Variants in LRMDA observed in about 807,000 individuals in gnomAD.
LRMDA encodes leucine rich melanocyte differentiation associated.
A neutral mutation model predicts 29.8 loss-of-function variants in LRMDA; 18 were observed. The ratio of observed to expected loss-of-function variants is 0.60; its 90% CI spans 0.42 to 0.90. The LOEUF is 0.90. LRMDA is among the 40% of genes least tolerant of loss of function. LRMDA has a pLI of 0.00. For missense variants in LRMDA, 273 were observed against 273.9 expected (o/e 1.00, Z 0.02); for synonymous variants, 125 against 109.4 (o/e 1.14, Z -0.89).
At chr10:76,139,687 G>A (rs189658508) in intron 5 of LRMDA, among the ~76,000 whole-genome samples, 83 of 152,260 alleles carry the variant, frequency 5.5e-4, no homozygotes, top group African/African-American at 1.9e-3. Flanking sequence ...TGACTCTTCA[G>A]TTTCTTTTGA....
intron 2 of LRMDA, among the ~76,000 whole-genome samples, chr10:75,846,571 T>C (rs1458178089): frequency 6.6e-6 from 1 of 152,202 alleles, no homozygotes. Context: ...GCCGTTTAGA[T>C]TAGTTGGAGA....
chr10:76,305,705 A>C (rs1000970608), intron 5 of LRMDA, among the ~76,000 whole-genome samples: 13 of 152,240 alleles, frequency 8.5e-5, no homozygotes, highest in African/African-American at 2.7e-4. Flanking sequence ...ATACTTGATT[A>C]GTCATTTTTC....
intron 5 of LRMDA, among the ~76,000 whole-genome samples, chr10:76,176,455 A>C (rs1850936489): frequency 6.6e-6 from 1 of 152,238 alleles, no homozygotes; most frequent in South Asian, 2.1e-4. Flanking sequence ...ACCAGAGTAC[A>C]TGCAGAAATA....
Position 75,793,464 on chromosome 10 carries a change from A to G in LRMDA, c.132-242544A>G, listed in dbSNP as rs1299287331. 2.0e-5 allele frequency among the ~76,000 whole-genome samples: 3 copies of G among 152,228 alleles called. No individual in the cohort carries two copies. In the East Asian group the frequency reaches 5.8e-4, roughly 29 times the overall value. The stretch of plus-strand genomic sequence containing the variant: ...GCAGGGTTATGCATGTTTGTTGGAA[A>G]TGAACACCTGGACTGATTGATTCTC... On this transcript the variant is annotated intron_variant, in intron 2 of 6. Coordinates refer to ENST00000611255, the MANE Select transcript of LRMDA (RefSeq NM_001305581.2).
intron 2 of LRMDA, among the ~76,000 whole-genome samples, chr10:75,981,725 A>G (rs1472617418): frequency 2.0e-5 from 3 of 151,910 alleles, no homozygotes; most frequent in Non-Finnish European, 4.4e-5. Flanking sequence ...GGTGGTGGGC[A>G]TCTGTAATCC....
chr10:76,165,617 A>G (rs879904774), intron 5 of LRMDA, among the ~76,000 whole-genome samples: 19 of 152,214 alleles, frequency 1.2e-4, no homozygotes, highest in Non-Finnish European at 2.6e-4. Context: ...TGGCTGAGGA[A>G]GACTCAGGAA....
rs10636455 is a variant in LRMDA, at chr10:75,452,575, C to CTTTTTT, written c.131+14094_131+14099dup. Among the ~76,000 whole-genome samples, 424 of 117,280 alleles carry CTTTTTT rather than the reference C, an allele frequency of 3.6e-3. 11 individuals are homozygous for CTTTTTT. Among genetic ancestry groups the CTTTTTT allele is most frequent in the African/African-American group, 0.013 (387 of 30,572 alleles). The allele number at this position is 117,280 out of a possible 152,430, so 76.9% of individuals were successfully genotyped here. ...AAAACTCAGTGATTTCAGGATATGACTTTTTTTTTTTTTTTTTTAATGTAT... is the reference window on the plus strand; with the variant it reads ...AAAACTCAGTGATTTCAGGATATGACTTTTTTTTTTTTTTTTTTTTTTTTAATGTAT... On this transcript the variant is annotated intron_variant, in intron 2 of 6. Coordinates refer to ENST00000611255, the MANE Select transcript of LRMDA (RefSeq NM_001305581.2).
intron 2 of LRMDA, among the ~76,000 whole-genome samples, chr10:75,650,620 C>T (rs538932449): frequency 6.6e-6 from 1 of 152,156 alleles, no homozygotes; most frequent in South Asian, 2.1e-4. Flanking sequence ...TGCCTCTCTG[C>T]CCAACTTTTG....
At chr10:75,974,804 C>T (rs548418245) in intron 2 of LRMDA, among the ~76,000 whole-genome samples, 2 of 152,280 alleles carry the variant, frequency 1.3e-5, no homozygotes, top group African/African-American at 4.8e-5. Flanking sequence ...TGGCATAATA[C>T]CTGGCACATA....
At chr10:76,478,929 A>G (rs1054389163) in intron 6 of LRMDA, among the ~76,000 whole-genome samples, 2 of 151,956 alleles carry the variant, frequency 1.3e-5, no homozygotes, top group East Asian at 1.9e-4. Flanking sequence ...GGATAGCATT[A>G]GGAGATATAC....
chr10:76,169,596 A>C (rs1218880402), intron 5 of LRMDA, among the ~76,000 whole-genome samples: 1 of 152,164 alleles, frequency 6.6e-6, no homozygotes, highest in African/African-American at 2.4e-5. Context: ...GTGGTCATTA[A>C]GGAAGACTCA....
chr10:75,686,996 A>G (rs1272464512), intron 2 of LRMDA, among the ~76,000 whole-genome samples: 1 of 152,210 alleles, frequency 6.6e-6, no homozygotes, highest in Non-Finnish European at 1.5e-5. Flanking sequence ...CATATAAGAC[A>G]GAGAACTGAA....
chr10:76,097,551 A>G (rs1335064950), intron 5 of LRMDA, among the ~76,000 whole-genome samples: 1 of 152,206 alleles, frequency 6.6e-6, no homozygotes, highest in African/African-American at 2.4e-5. Flanking sequence ...AGTTAGCTAT[A>G]GATTTTTTGC....
rs1237616038 is a variant in LRMDA, at chr10:76,085,645, T to C, written c.516+26862T>C. On this transcript the variant is annotated intron_variant, in intron 5 of 6. Transcript: ENST00000611255. ...CCTGTGTCCTTGGAGAGTCGGTCTC[T>C]TTCCTGTCTCCCAGCGTCTTGCTGC... Among the ~76,000 whole-genome samples the C allele has an allele frequency of 2.0e-5, 3 of 152,312 alleles. No individual in the cohort carries two copies. The East Asian group carries it at 5.8e-4, about 29-fold the overall frequency.
intron 5 of LRMDA, among the ~76,000 whole-genome samples, chr10:76,231,136 T>G (rs67598457): frequency 0.18 from 27,691 of 151,400 alleles, 3,049 homozygotes; most frequent in East Asian, 0.51. Context: ...ATTCATGTTG[T>G]GGGGGAAAGA....
At chr10:75,983,477 CATATATGTGTGT>C (rs941193525) in intron 2 of LRMDA, among the ~76,000 whole-genome samples, 1 of 152,134 alleles carries the variant, frequency 6.6e-6, no homozygotes, top group African/African-American at 2.4e-5. Context: ...GAATCCTTCA[CATATATGTGTGT>C]ATATATGTAT....
At chr10:75,452,223 T>A (rs1318694296) in intron 2 of LRMDA, among the ~76,000 whole-genome samples, 1 of 152,194 alleles carries the variant, frequency 6.6e-6, no homozygotes. Flanking sequence ...GTCACACTCC[T>A]GAGGCTGCGT....
intron 2 of LRMDA, among the ~76,000 whole-genome samples, chr10:75,853,433 G>GGGGTGTGT (rs1169923235): frequency 2.0e-5 from 3 of 147,508 alleles, no homozygotes; most frequent in South Asian, 4.4e-4. Flanking sequence ...AAAGAAGAGG[G>GGGGTGTGT]GTGTGTGTGT....
chr10:76,188,493 C>T (rs1339161862), intron 5 of LRMDA, among the ~76,000 whole-genome samples: 1 of 152,124 alleles, frequency 6.6e-6, no homozygotes, highest in East Asian at 1.9e-4. Flanking sequence ...GTCTTGATTT[C>T]CTTCTGGCTT....
Sources: allele counts gnomAD v4.1 joint callset (sites outside exome capture counted in the v4.1 genomes callset), GRCh38; gene constraint gnomAD v4.1.1; transcripts MANE v1.5; gene names NCBI Gene and HGNC (gene_info 2026-07-23, HGNC 2026-07-21).